The following TTC7B variants were observed in gnomAD, a reference collection of about 807,000 sequenced individuals.
TTC7B encodes the protein tetratricopeptide repeat domain 7B.
Under a neutral mutation model 106.8 loss-of-function variants are expected in TTC7B, and 28 were observed. The observed-to-expected ratio is 0.26, with a 90% CI of 0.19 to 0.36. TTC7B has a LOEUF of 0.36. Among genes scored for constraint, TTC7B ranks in the 10% least tolerant of loss-of-function variants. TTC7B has a pLI of 1.00. For synonymous variants in TTC7B, 405 were observed against 430.6 expected (o/e 0.94, Z 0.74); for missense variants, 862 against 1,076.4 (o/e 0.80, Z 2.79).
chr14:90,551,194 CA>C (rs1890065592), intron 19 of TTC7B, among the ~76,000 whole-genome samples: 1 of 152,180 alleles, frequency 6.6e-6, no homozygotes, highest in African/African-American at 2.4e-5. Context: ...CCCTGCTGGA[CA>C]CAGAGTGGGG....
intron 1 of TTC7B, among the ~76,000 whole-genome samples, chr14:90,797,113 G>C (rs1454956157): frequency 6.7e-6 from 1 of 148,836 alleles, no homozygotes; most frequent in South Asian, 2.1e-4. Flanking sequence ...CCAAAGTGCT[G>C]GGATTACAGG....
At chr14:90,725,136 C>T (rs1400592093) in intron 5 of TTC7B, among the ~76,000 whole-genome samples, 1 of 152,226 alleles carries the variant, frequency 6.6e-6, no homozygotes, top group Non-Finnish European at 1.5e-5. Context: ...TGGACTCCTA[C>T]TGTCAAAAGT....
In TTC7B at chr14:90,602,480, C is replaced by G. The variant is rs143381473; in HGVS notation, c.1966+8262G>C. ...ATTTTGGGAGGCGAGGTGGGAGGAT[C>G]GCTTGAGCCCAGGAGTTGGAAACCA... On this transcript the variant is annotated intron_variant, in intron 17 of 19. Coordinates refer to ENST00000328459, the MANE Select transcript of TTC7B (RefSeq NM_001010854.2). 2.4e-3 allele frequency among the ~76,000 whole-genome samples: 369 copies of G among 152,250 alleles called. 2 individuals are homozygous for G. The East Asian group carries it at 0.043, about 18-fold the overall frequency.
At chr14:90,698,274 C>T (rs1045260496) in intron 5 of TTC7B, 2 of 152,160 alleles carry the variant, frequency 1.3e-5, no homozygotes, top group African/African-American at 4.8e-5. Context: ...AGTTAACTTG[C>T]AAGAATTCTA....
intron 1 of TTC7B, among the ~76,000 whole-genome samples, chr14:90,806,716 G>A (rs1262078492): frequency 6.6e-6 from 1 of 152,164 alleles, no homozygotes; most frequent in African/African-American, 2.4e-5. Flanking sequence ...AGACCAGCCT[G>A]GGTAACATGG....
At chr14:90,561,459 A>G (rs1479632886) in intron 19 of TTC7B, among the ~76,000 whole-genome samples, 1 of 152,248 alleles carries the variant, frequency 6.6e-6, no homozygotes, top group African/African-American at 2.4e-5. Flanking sequence ...TCAAACAGGC[A>G]TAAAGAGGGG....
intron 5 of TTC7B, among the ~76,000 whole-genome samples, chr14:90,726,493 A>C (rs898166255): frequency 6.6e-5 from 10 of 152,176 alleles, no homozygotes; most frequent in Non-Finnish European, 1.2e-4. Flanking sequence ...ATCTGGTCCC[A>C]CTTTCAGCTG....
At chr14:90,764,014 T>C (rs1184950755) in intron 3 of TTC7B, among the ~76,000 whole-genome samples, 2 of 151,898 alleles carry the variant, frequency 1.3e-5, no homozygotes, top group Non-Finnish European at 2.9e-5. Context: ...AAAAATCTTG[T>C]AAAAGAAGAA....
intron 13 of TTC7B, among the ~76,000 whole-genome samples, chr14:90,650,081 C>T (rs901807887): frequency 1.3e-5 from 2 of 152,210 alleles, no homozygotes; most frequent in Non-Finnish European, 2.9e-5. Flanking sequence ...TCTTAGATTC[C>T]ATTTCCAACA....
rs561838386 is a variant in TTC7B at position 90,776,762 on chromosome 14, C to T, written c.445+3976G>A. Among the ~76,000 whole-genome samples the T allele has an allele frequency of 2.6e-5, 4 of 152,210 alleles. No individual in the cohort carries two copies. The South Asian group carries it at 8.3e-4, about 32-fold the overall frequency. On this transcript the variant is annotated intron_variant, in intron 3 of 19. Coordinates refer to ENST00000328459, the MANE Select transcript of TTC7B (RefSeq NM_001010854.2). ...AGGAACATGGGTGTCAGACTGAGAC[C>T]CCATTCTGCCACTCAGAGGAGAGAA...
chr14:90,560,022 A>G (rs930073674), intron 19 of TTC7B, among the ~76,000 whole-genome samples: 2 of 152,148 alleles, frequency 1.3e-5, no homozygotes, highest in Non-Finnish European at 2.9e-5. Flanking sequence ...AACCTCCATC[A>G]GATCTGTGCC....
intron 15 of TTC7B, among the ~76,000 whole-genome samples, chr14:90,628,604 G>A (rs926797735): frequency 4.6e-5 from 7 of 152,170 alleles, no homozygotes; most frequent in Non-Finnish European, 7.3e-5. Context: ...TAGAAATGGC[G>A]CCTTCTGCAC....
chr14:90,597,634 G>A (rs1467839553), intron 17 of TTC7B, among the ~76,000 whole-genome samples: 5 of 151,778 alleles, frequency 3.3e-5, no homozygotes, highest in African/African-American at 1.2e-4. Context: ...CTCCAGCCTG[G>A]GCAACAAGAG....
At position 90,816,405 on chromosome 14, in the gene TTC7B, TC is replaced by T. The variant is rs2031194698; in HGVS notation, c.-111del. 2.1e-5 allele frequency: 12 copies of T among 560,860 alleles called. No individual in the cohort carries two copies. Among genetic ancestry groups the T allele is most frequent in the Non-Finnish European group, 2.5e-5 (11 of 447,778 alleles). The allele number at this position is 560,860 out of a possible 1,614,324, so 34.7% of individuals were successfully genotyped here. On this transcript the variant is annotated 5_prime_UTR_variant, in exon 1 of 20. Coordinates refer to ENST00000328459, the MANE Select transcript of TTC7B (RefSeq NM_001010854.2). ...GCGGGCTCGGGCTCCGGCTCCCGGC[TC>T]CGCGGCGTAACGGGAGCGCCGGCTG...
chr14:90,727,196 A>G (rs1023605770), intron 5 of TTC7B, among the ~76,000 whole-genome samples: 2 of 152,128 alleles, frequency 1.3e-5, no homozygotes, highest in African/African-American at 2.4e-5. Context: ...CAACCAACAG[A>G]GGCTGGGAAC....
chr14:90,738,709 A>G (rs147360708), intron 4 of TTC7B, among the ~76,000 whole-genome samples: 1 of 152,322 alleles, frequency 6.6e-6, no homozygotes, highest in East Asian at 1.9e-4. Context: ...ATTTGTCCTT[A>G]GGAAATAATG....
chr14:90,568,555 G>A (rs1019775659), intron 19 of TTC7B, among the ~76,000 whole-genome samples: 6 of 152,128 alleles, frequency 3.9e-5, no homozygotes, highest in Non-Finnish European at 7.3e-5. Flanking sequence ...AAAAGGCACC[G>A]CATGCTTGCA....
At chr14:90,632,680 G>T (rs747938115) in intron 15 of TTC7B, among the ~76,000 whole-genome samples, 3 of 152,156 alleles carry the variant, frequency 2.0e-5, no homozygotes, top group Non-Finnish European at 4.4e-5. Context: ...TCGTGGTTAC[G>T]AGCACAGATG....
intron 3 of TTC7B, among the ~76,000 whole-genome samples, chr14:90,752,123 T>C (rs565649910): frequency 6.6e-6 from 1 of 152,306 alleles, no homozygotes; most frequent in African/African-American, 2.4e-5. Context: ...TCTATACTTT[T>C]AAAAGCTCAA....
Sources: allele counts gnomAD v4.1 joint callset (sites outside exome capture counted in the v4.1 genomes callset), GRCh38; gene constraint gnomAD v4.1.1; transcripts MANE v1.5; gene names NCBI Gene and HGNC (gene_info 2026-07-23, HGNC 2026-07-21).